MINDY4: variants seen among roughly 807,000 people sequenced by gnomAD.
MINDY4 encodes the protein probable ubiquitin carboxyl-terminal hydrolase MINDY-4.
In MINDY4, 68 loss-of-function variants were observed where a neutral mutation model predicts 87.0. The observed-to-expected ratio is 0.78, with a 90% CI of 0.64 to 0.96. The LOEUF (loss-of-function observed/expected upper bound fraction) is 0.96, where lower values mean the gene tolerates loss of function less well. MINDY4 is among the 40% of genes least tolerant of loss of function. The pLI, the probability that MINDY4 is intolerant of heterozygous loss-of-function variation, is 0.00. For synonymous variants in MINDY4, 379 were observed against 363.2 expected (o/e 1.04, Z -0.50); for missense variants, 919 against 928.2 (o/e 0.99, Z 0.13).
intron 5 of MINDY4, chr7:30,803,006 A>G (rs1249567898): frequency 6.6e-6 from 1 of 152,212 alleles, no homozygotes; most frequent in Non-Finnish European, 1.5e-5. Context: ...CCAACAAACT[A>G]TCCAAACATC....
chr7:30,792,985 C>G (rs942543970), intron 5 of MINDY4, among the ~76,000 whole-genome samples: 1 of 149,280 alleles, frequency 6.7e-6, no homozygotes, highest in Non-Finnish European at 1.5e-5. Context: ...GTCTGTATTC[C>G]GTAAGTTAAT....
At chr7:30,870,127 GT>G (rs1790056825) in intron 13 of MINDY4, among the ~76,000 whole-genome samples, 1 of 152,156 alleles carries the variant, frequency 6.6e-6, no homozygotes, top group African/African-American at 2.4e-5. Flanking sequence ...TTCCCATCGT[GT>G]TTGCACCTAA....
At chr7:30,849,402 C>G (rs1373348654) in intron 9 of MINDY4, among the ~76,000 whole-genome samples, 2 of 152,170 alleles carry the variant, frequency 1.3e-5, no homozygotes, top group Non-Finnish European at 1.5e-5. Flanking sequence ...CCAAGAGAAG[C>G]CTAGAAGTAC....
intron 6 of MINDY4, among the ~76,000 whole-genome samples, chr7:30,834,257 A>T (rs1788793817): frequency 6.6e-6 from 1 of 152,190 alleles, no homozygotes; most frequent in South Asian, 2.1e-4. Flanking sequence ...TCTGAAATCT[A>T]GGCGGAGGTT....
intron 13 of MINDY4, among the ~76,000 whole-genome samples, chr7:30,864,695 C>T (rs1789874579): frequency 6.6e-6 from 1 of 152,206 alleles, no homozygotes; most frequent in Admixed American, 6.5e-5. Context: ...TGGGGTATCC[C>T]CAAAAGGCAG....
chr7:30,792,179 A>G (rs1348503369), intron 5 of MINDY4, among the ~76,000 whole-genome samples: 2 of 152,222 alleles, frequency 1.3e-5, no homozygotes, highest in Non-Finnish European at 2.9e-5. Flanking sequence ...ATAAGCCTTA[A>G]TGATTCCTAC....
At chr7:30,849,599 T>G (rs893409606) in intron 9 of MINDY4, among the ~76,000 whole-genome samples, 1 of 152,200 alleles carries the variant, frequency 6.6e-6, no homozygotes, top group Non-Finnish European at 1.5e-5. Context: ...CGTGGCACTC[T>G]CTCCTCATTC....
At chr7:30,778,331 G>A in intron 1 of MINDY4, 101 bp from the exon 2 acceptor site, 2 of 1,465,486 alleles carry the variant, frequency 1.4e-6, no homozygotes, top group Non-Finnish European at 1.9e-6. Flanking sequence ...GGTTATATGA[G>A]AATTATCTTG....
chr7:30,862,580 T>C (rs1044830863), intron 13 of MINDY4, among the ~76,000 whole-genome samples: 5 of 152,242 alleles, frequency 3.3e-5, no homozygotes, highest in African/African-American at 1.2e-4. Flanking sequence ...ATCCCACCTC[T>C]GCCTGCTGCC....
intron 9 of MINDY4, among the ~76,000 whole-genome samples, chr7:30,848,027 C>T (rs1789280376): frequency 6.6e-6 from 1 of 152,226 alleles, no homozygotes; most frequent in South Asian, 2.1e-4. Flanking sequence ...AACCACTGCA[C>T]CTGGCCACTG....
At position 30,791,534 on chromosome 7, in the gene MINDY4, A is replaced by T; in HGVS notation, c.1033A>T (p.Arg345Ter). ...CAGGATGACCCAGGAGAGGCTGGAA[A>T]GAGCGTTCAAACGGCAGGGCAGCCA... ...NSRMTQERLE[R>*]AFKRQGSQPA... is the part of the protein sequence containing the mutation. Residue 345 changes from arginine to a stop codon, truncating the protein, a stop_gained, in exon 5 of 18, where the codon AGA becomes TGA. Transcript: ENST00000265299. LOFTEE classifies it high-confidence loss of function. 1 of 1,613,654 alleles carries T rather than the reference A, an allele frequency of 6.2e-7. No homozygotes were observed.
At chr7:30,849,677 C>T (rs1789337384) in intron 9 of MINDY4, among the ~76,000 whole-genome samples, 3 of 152,320 alleles carry the variant, frequency 2.0e-5, no homozygotes, top group African/African-American at 7.2e-5. Flanking sequence ...CCACCCTTGG[C>T]CACGGTCTCT....
chr7:30,784,543 G>A (rs1482547113), intron 3 of MINDY4, among the ~76,000 whole-genome samples: 3 of 152,286 alleles, frequency 2.0e-5, no homozygotes, highest in Admixed American at 6.5e-5. Context: ...TGGCCATGCC[G>A]CTATCCTGCC....
intron 9 of MINDY4, among the ~76,000 whole-genome samples, chr7:30,843,221 G>A (rs1057044727): frequency 6.6e-6 from 1 of 152,198 alleles, no homozygotes; most frequent in East Asian, 1.9e-4. Context: ...GGGAGGGGAG[G>A]CAGAATGGTA....
intron 10 of MINDY4, among the ~76,000 whole-genome samples, chr7:30,850,860 C>T (rs1303463546): frequency 6.6e-6 from 1 of 152,214 alleles, no homozygotes; most frequent in Admixed American, 6.5e-5. Context: ...CCTCTGACCC[C>T]TGCAGCCAGC....
chr7:30,853,190 G>A (rs937018332), intron 11 of MINDY4, among the ~76,000 whole-genome samples: 2 of 152,236 alleles, frequency 1.3e-5, no homozygotes, highest in African/African-American at 2.4e-5. Flanking sequence ...GAACCCTGAC[G>A]ACTCCAGCGG....
At position 30,839,305 on chromosome 7, in the gene MINDY4, G is replaced by A; in HGVS notation, c.1345G>A (p.Val449Met). 6.3e-7 allele frequency: 1 copy of A among 1,598,228 alleles called. No individual in the cohort carries two copies. The highest frequency in any genetic ancestry group is 8.5e-7 in the Non-Finnish European group (1 of 1,172,930). ...CACAGCCTCATTAAAATACGGCATA[G>A]TGCAGAACAAGGCAGGTTGCTCCTA... Reference protein sequence around the residue: ...SNTASLKYGIVQNKGGPCGVL... With the variant: ...SNTASLKYGIMQNKGGPCGVL... Residue 449 changes from valine to methionine, a missense_variant, in exon 8 of 18, where the codon GTG becomes ATG. By Grantham distance (21) the Val-to-Met change is conservative (BLOSUM62 1). Coordinates refer to ENST00000265299, the MANE Select transcript of MINDY4 (RefSeq NM_032222.3).
At chr7:30,850,182 T>C (rs1235359825) in intron 9 of MINDY4, among the ~76,000 whole-genome samples, 1 of 152,168 alleles carries the variant, frequency 6.6e-6, no homozygotes, top group African/African-American at 2.4e-5. Context: ...TGCAGAGCCC[T>C]CTTTGCTCCT....
intron 12 of MINDY4, chr7:30,857,598 G>A (rs972118828): frequency 9.5e-6 from 1 of 105,184 alleles, no homozygotes; most frequent in Admixed American, 8.6e-5. Flanking sequence ...TCAGCCTCCC[G>A]AGTAGCTGGG....
Sources: allele counts gnomAD v4.1 joint callset (sites outside exome capture counted in the v4.1 genomes callset), GRCh38; gene constraint gnomAD v4.1.1; transcripts MANE v1.5; gene names NCBI Gene and HGNC (gene_info 2026-07-23, HGNC 2026-07-21).